AKAP13: variants seen among roughly 807,000 people sequenced by gnomAD.
AKAP13 encodes A-kinase anchor protein 13.
AKAP13 carries 80 observed loss-of-function variants against 264.5 expected under a neutral mutation model. The observed-to-expected ratio is 0.30, with a 90% CI of 0.25 to 0.36. AKAP13 has a LOEUF of 0.36. Ranked by LOEUF, AKAP13 falls within the 10% of genes least tolerant of loss-of-function variation. AKAP13 has a pLI of 1.00. For missense variants in AKAP13, 3,712 were observed against 3,435.2 expected, an observed-to-expected ratio of 1.08 and a Z score of -2.01; for synonymous variants, 1,380 against 1,250.2, an observed-to-expected ratio of 1.10 and a Z score of -2.19.
intron 2 of AKAP13, among the ~76,000 whole-genome samples, chr15:85,489,536 G>C (rs1382924594): frequency 1.3e-5 from 2 of 152,170 alleles, no homozygotes; most frequent in Non-Finnish European, 2.9e-5. Flanking sequence ...GGTGGGGGAA[G>C]TTCTCTGCAC....
At chr15:85,425,682 C>T (rs1442788575) in intron 1 of AKAP13, among the ~76,000 whole-genome samples, 2 of 149,154 alleles carry the variant, frequency 1.3e-5, no homozygotes, top group African/African-American at 5.0e-5. Flanking sequence ...TGCCACTGCA[C>T]TCCAGCCTGG....
chr15:85,670,367 A>G (rs2083857838), intron 14 of AKAP13, among the ~76,000 whole-genome samples: 1 of 151,996 alleles, frequency 6.6e-6, no homozygotes, highest in South Asian at 2.1e-4. Flanking sequence ...TTACCATAGT[A>G]TATGGGTACC....
rs35930051 is a variant in AKAP13 at position 85,579,559 on chromosome 15, G to C, written c.1491G>C (p.Val497=). 6.2e-7 allele frequency: 1 copy of C among 1,614,180 alleles called. No homozygotes were observed. Among genetic ancestry groups the C allele is most frequent in the Admixed American group, 1.7e-5 (1 of 60,022 alleles). The change falls in exon 7 of 37, where the codon GTG becomes GTC. Residue 497 remains valine, a synonymous_variant. Transcript: ENST00000394518. ...CAGATGCCACTGTTTGGAAGAATGTGCTTCAGGGAGGGGAAAGTACAAAGG... is the reference window on the plus strand; with the variant it reads ...CAGATGCCACTGTTTGGAAGAATGTCCTTCAGGGAGGGGAAAGTACAAAGG... ...MNPDATVWKN[V]LQGGESTKER...
intron 2 of AKAP13, among the ~76,000 whole-genome samples, chr15:85,488,347 C>T (rs1176608448): frequency 6.6e-6 from 1 of 152,124 alleles, no homozygotes; most frequent in Admixed American, 6.5e-5. Context: ...TTTGAGGACT[C>T]TTGTGTCTAT....
At chr15:85,418,584 A>T (rs2072356772) in intron 1 of AKAP13, among the ~76,000 whole-genome samples, 1 of 152,174 alleles carries the variant, frequency 6.6e-6, no homozygotes, top group Non-Finnish European at 1.5e-5. Flanking sequence ...TCGGTTTTGC[A>T]TGTTGTTGAA....
chr15:85,706,806 A>G (rs746084275), intron 17 of AKAP13, among the ~76,000 whole-genome samples: 18 of 152,300 alleles, frequency 1.2e-4, no homozygotes, highest in East Asian at 5.8e-4. Context: ...GAGAGTCTCA[A>G]TACACTGTGC....
chr15:85,537,292 A>G (rs2077434250), intron 4 of AKAP13, among the ~76,000 whole-genome samples: 1 of 152,228 alleles, frequency 6.6e-6, no homozygotes, highest in Admixed American at 6.5e-5. Context: ...TATTTAAAGG[A>G]GAAAGGTACA....
At chr15:85,640,720 T>C (rs970088523) in intron 9 of AKAP13, among the ~76,000 whole-genome samples, 7 of 152,174 alleles carry the variant, frequency 4.6e-5, no homozygotes, top group East Asian at 3.9e-4. Flanking sequence ...TTAAACTGTT[T>C]GGGGCTTTTT....
intron 33 of AKAP13, 138 bp downstream of exon 33, chr15:85,736,272 C>G: frequency 1.5e-6 from 1 of 679,740 alleles, no homozygotes; most frequent in African/African-American, 1.8e-5. Flanking sequence ...TATGTGTAAA[C>G]AATACAGTTG....
At chr15:85,483,177 C>T (rs1462426375) in intron 1 of AKAP13, among the ~76,000 whole-genome samples, 2 of 152,182 alleles carry the variant, frequency 1.3e-5, no homozygotes, top group African/African-American at 2.4e-5. Flanking sequence ...CATAGTCATC[C>T]GAAGTTTCTT....
At chr15:85,458,379 A>ATTT (rs937688611) in intron 1 of AKAP13, among the ~76,000 whole-genome samples, 1 of 107,534 alleles carries the variant, frequency 9.3e-6, no homozygotes, top group African/African-American at 5.5e-5. Context: ...CTTTTTTTGT[A>ATTT]TTTTTTGTTT....
intron 3 of AKAP13, among the ~76,000 whole-genome samples, chr15:85,530,474 A>G (rs1309937516): frequency 1.3e-5 from 2 of 152,236 alleles, no homozygotes; most frequent in African/African-American, 4.8e-5. Context: ...TTAAATGGAT[A>G]GGGCTGTGGA....
intron 1 of AKAP13, among the ~76,000 whole-genome samples, chr15:85,387,058 G>A (rs1308898860): frequency 6.6e-6 from 1 of 151,806 alleles, no homozygotes; most frequent in African/African-American, 2.4e-5. Flanking sequence ...GGTCTCAGCC[G>A]GGTGTGGTGG....
At chr15:85,490,602 C>G (rs1294148624) in intron 2 of AKAP13, among the ~76,000 whole-genome samples, 2 of 152,164 alleles carry the variant, frequency 1.3e-5, no homozygotes, top group African/African-American at 2.4e-5. Flanking sequence ...TTCCAGAAAC[C>G]TGGGTTGCAT....
At chr15:85,517,330 C>G (rs779854081) in intron 2 of AKAP13, among the ~76,000 whole-genome samples, 2 of 150,308 alleles carry the variant, frequency 1.3e-5, no homozygotes, top group African/African-American at 2.5e-5. Flanking sequence ...CCCCCAAATA[C>G]GTTTCCCTTT....
intron 1 of AKAP13, among the ~76,000 whole-genome samples, chr15:85,451,664 A>T (rs1018120922): frequency 1.3e-5 from 2 of 151,228 alleles, no homozygotes; most frequent in Admixed American, 6.6e-5. Flanking sequence ...ATTCTTGAAG[A>T]TTTTTTTAAA....
intron 30 of AKAP13, 111 bp downstream of exon 30, chr15:85,730,818 T>A (rs1292038405): frequency 2.2e-6 from 2 of 926,642 alleles, no homozygotes; most frequent in East Asian, 5.2e-5. Flanking sequence ...TGCAGAAAAT[T>A]ACCCAAAACA....
chr15:85,594,257 A>G (rs1368835966), intron 8 of AKAP13, among the ~76,000 whole-genome samples: 2 of 152,232 alleles, frequency 1.3e-5, no homozygotes, highest in Non-Finnish European at 2.9e-5. Context: ...ACAAATGTTC[A>G]TTGAACTCTG....
At chr15:85,651,166 A>G (rs2082822737) in intron 10 of AKAP13, among the ~76,000 whole-genome samples, 2 of 152,218 alleles carry the variant, frequency 1.3e-5, no homozygotes, top group Admixed American at 1.3e-4. Flanking sequence ...ATACCTGTAT[A>G]ATGTAACTCT....
Sources: gnomAD v4.1 joint callset for allele counts (sites outside exome capture counted in the v4.1 genomes callset) on GRCh38, gnomAD v4.1.1 for gene constraint, MANE v1.5 for transcripts, NCBI Gene and HGNC (gene_info 2026-07-23, HGNC 2026-07-21) for gene names.